ABCC12: variants seen among roughly 807,000 people sequenced by gnomAD.
ABCC12 encodes the protein ATP binding cassette subfamily C member 12.
In ABCC12, 142 loss-of-function variants were observed where a neutral mutation model predicts 151.1. That is an observed-to-expected ratio of 0.94 (90% CI 0.82 to 1.08). ABCC12 has a LOEUF of 1.08. Ranked by LOEUF, ABCC12 falls within the 50% of genes least tolerant of loss-of-function variation. The pLI is 0.00. For missense variants in ABCC12, 1,638 were observed against 1,691.1 expected (o/e 0.97, Z 0.55); for synonymous variants, 645 against 646.4 (o/e 1.00, Z 0.03).
chr16:48,124,526 G>A (rs536713860), intron 11 of ABCC12, among the ~76,000 whole-genome samples: 2 of 152,316 alleles, frequency 1.3e-5, no homozygotes, highest in South Asian at 4.1e-4. Context: ...AGCACCCACA[G>A]GGCTTCTAGA....
In ABCC12 at chr16:48,084,007, T is replaced by C. The variant is rs1304825159; in HGVS notation, c.3895A>G (p.Ile1299Val). 6 of 1,612,910 alleles carry C rather than the reference T, an allele frequency of 3.7e-6. No individual in the cohort carries two copies. The highest frequency in any genetic ancestry group is 3.3e-5 in the South Asian group (3 of 90,634). The change falls in exon 30 of 31, where the codon ATC becomes GTC. Residue 1299 changes from isoleucine (I) to valine (V), a missense_variant. By Grantham distance (29) the Ile-to-Val change is conservative. Coordinates refer to ENST00000311303, the MANE Select transcript of ABCC12 (RefSeq NM_001393797.1). Reference protein sequence around the residue: ...SKTDTLVQNTIKDAFKGCTVL... With the variant: ...SKTDTLVQNTVKDAFKGCTVL... ...GTGCAGCCCTTGAAGGCATCTTTGA[T>C]GGTGTTCTGAACCAGGGTGTCAGTC...
chr16:48,110,299 G>A (rs1597310700), intron 18 of ABCC12, among the ~76,000 whole-genome samples: 5 of 152,092 alleles, frequency 3.3e-5, no homozygotes, highest in Admixed American at 3.3e-4. Flanking sequence ...ATGTCATATC[G>A]TTTAGTTAGC....
Position 48,152,936 on chromosome 16 carries a change from G to A in ABCC12, c.-51+680C>T, listed in dbSNP as rs906771265. ...AGCAACACACAAGCCTGGATTGGAT[G>A]CTTGACCAGAAGAAAATTAATTTGC... On this transcript the variant is annotated intron_variant, in intron 2 of 30. Coordinates refer to ENST00000311303, the MANE Select transcript of ABCC12 (RefSeq NM_001393797.1). Among the ~76,000 whole-genome samples the A allele has an allele frequency of 2.6e-5, 4 of 152,334 alleles. No individual in the cohort carries two copies. In the South Asian group the frequency reaches 8.3e-4, roughly 32 times the overall value.
At chr16:48,155,422 C>T (rs1262322092) in intron 1 of ABCC12, among the ~76,000 whole-genome samples, 1 of 150,160 alleles carries the variant, frequency 6.7e-6, no homozygotes, top group South Asian at 2.1e-4. Context: ...CATATGAGAA[C>T]TGCAGTAAAG....
chr16:48,098,559 G>A (rs778476884), intron 23 of ABCC12, among the ~76,000 whole-genome samples: 1 of 152,138 alleles, frequency 6.6e-6, no homozygotes, highest in Non-Finnish European at 1.5e-5. Context: ...TCAAAACACA[G>A]TGCTGTTTCT....
chr16:48,141,687 G>A (rs545879040), intron 4 of ABCC12, among the ~76,000 whole-genome samples: 3 of 152,194 alleles, frequency 2.0e-5, no homozygotes, highest in African/African-American at 7.2e-5. Context: ...TCAGTGCAGC[G>A]AAGACATTGT....
intron 18 of ABCC12, among the ~76,000 whole-genome samples, chr16:48,111,180 A>G (rs1352537607): frequency 1.3e-5 from 2 of 152,224 alleles, no homozygotes; most frequent in Non-Finnish European, 2.9e-5. Context: ...TGTGGTTGGT[A>G]CTACTTCCTC....
chr16:48,128,026 G>A (rs1964297420), intron 11 of ABCC12, among the ~76,000 whole-genome samples: 1 of 152,210 alleles, frequency 6.6e-6, no homozygotes, highest in Non-Finnish European at 1.5e-5. Context: ...GGCTGAGGCA[G>A]GAGGATCACT....
intron 18 of ABCC12, among the ~76,000 whole-genome samples, chr16:48,110,923 C>T (rs1963663198): frequency 6.6e-6 from 1 of 152,210 alleles, no homozygotes. Context: ...GGCACACAGT[C>T]AATGCTTAAC....
intron 18 of ABCC12, 41 bp downstream of exon 18, chr16:48,111,395 A>C (rs1269815866): frequency 6.3e-7 from 1 of 1,598,414 alleles, no homozygotes; most frequent in South Asian, 1.1e-5. Context: ...TGCCCAATAC[A>C]TCCTTAAGTG....
At chr16:48,142,723 T>C (rs994226125) in intron 4 of ABCC12, among the ~76,000 whole-genome samples, 1 of 152,236 alleles carries the variant, frequency 6.6e-6, no homozygotes, top group Non-Finnish European at 1.5e-5. Context: ...AAAATGAAGT[T>C]GATGTCTTCA....
At chr16:48,112,922 T>C (rs755961381) in intron 15 of ABCC12, among the ~76,000 whole-genome samples, 8 of 152,288 alleles carry the variant, frequency 5.3e-5, no homozygotes, top group Non-Finnish European at 1.0e-4. Flanking sequence ...ATTCCCTTCA[T>C]TTCCATATCA....
chr16:48,121,939 G>C, intron 12 of ABCC12, 99 bp from the exon 13 acceptor site: 1 of 1,537,068 alleles, frequency 6.5e-7, no homozygotes, highest in Non-Finnish European at 8.8e-7. Flanking sequence ...CACAAGCATT[G>C]GTTATGAAGG....
intron 4 of ABCC12, 108 bp downstream of exon 4, chr16:48,143,802 C>A (rs1024681084): frequency 2.9e-6 from 4 of 1,384,006 alleles, no homozygotes; most frequent in Non-Finnish European, 1.9e-6. Context: ...TCACATGGAA[C>A]TGTGAGTCCA....
chr16:48,128,779 AT>A, intron 10 of ABCC12, 42 bp from the exon 11 acceptor site: 2 of 1,585,534 alleles, frequency 1.3e-6, no homozygotes, highest in Non-Finnish European at 1.7e-6. Context: ...GATGTCATCC[AT>A]TTGCAAGAAT....
chr16:48,099,619 G>A (rs574693977), intron 23 of ABCC12, among the ~76,000 whole-genome samples: 6 of 152,224 alleles, frequency 3.9e-5, no homozygotes, highest in African/African-American at 1.4e-4. Flanking sequence ...CCTCCCTTGC[G>A]TTAGGTGAGC....
chr16:48,112,415 G>A (rs1031806199), intron 15 of ABCC12, among the ~76,000 whole-genome samples: 12 of 152,126 alleles, frequency 7.9e-5, no homozygotes, highest in African/African-American at 2.9e-4. Context: ...GGCCAACATG[G>A]TGAAACCCCA....
chr16:48,104,768 C>G (rs1021968260), intron 21 of ABCC12, among the ~76,000 whole-genome samples: 1 of 152,236 alleles, frequency 6.6e-6, no homozygotes, highest in Non-Finnish European at 1.5e-5. Flanking sequence ...AGGGCCCTCC[C>G]AGGCCCTGGC....
chr16:48,098,899 G>A (rs950353634), intron 23 of ABCC12, among the ~76,000 whole-genome samples: 2 of 152,208 alleles, frequency 1.3e-5, no homozygotes, highest in Non-Finnish European at 2.9e-5. Context: ...ATGTGTGTTT[G>A]TTGTGGGTGA....
Sources: allele counts gnomAD v4.1 joint callset (sites outside exome capture counted in the v4.1 genomes callset), GRCh38; gene constraint gnomAD v4.1.1; transcripts MANE v1.5; gene names NCBI Gene and HGNC (gene_info 2026-07-23, HGNC 2026-07-21).